The following RCC1L variants were observed in gnomAD, a reference collection of about 807,000 sequenced individuals.
RCC1L encodes RCC1 like, also known as RCC1-like G exchanging factor-like protein.
A neutral mutation model predicts 58.6 loss-of-function variants in RCC1L; 46 were observed. That is an observed-to-expected ratio of 0.79 (90% confidence interval 0.62 to 1.00). The LOEUF (loss-of-function observed/expected upper bound fraction) is 1.00. RCC1L is among the 50% of genes least tolerant of loss of function. RCC1L has a pLI of 0.00. For synonymous variants in RCC1L, 281 were observed against 262.9 expected, an observed-to-expected ratio of 1.07 and a Z score of -0.67; for missense variants, 636 against 623.6, an observed-to-expected ratio of 1.02 and a Z score of -0.21.
At chr7:75,033,606 A>G (rs1805365656) in intron 10 of RCC1L, among the ~76,000 whole-genome samples, 2 of 151,992 alleles carry the variant, frequency 1.3e-5, no homozygotes, top group Non-Finnish European at 2.9e-5. Flanking sequence ...AAGGCAGAAG[A>G]ATCGCTTGAA....
intron 10 of RCC1L, among the ~76,000 whole-genome samples, chr7:75,031,986 A>C (rs1255550609): frequency 1.3e-5 from 2 of 152,212 alleles, no homozygotes; most frequent in African/African-American, 4.8e-5. Flanking sequence ...CCAGAGCAAG[A>C]GATTCAAGGG....
intron 10 of RCC1L, among the ~76,000 whole-genome samples, chr7:75,030,269 G>T (rs1044855321): frequency 1.3e-5 from 2 of 152,250 alleles, no homozygotes; most frequent in African/African-American, 2.4e-5. Flanking sequence ...GAGTGTGTGC[G>T]TGCACGTGTG....
intron 2 of RCC1L, among the ~76,000 whole-genome samples, chr7:75,069,170 CCTCT>C (rs1253340292): frequency 6.9e-6 from 1 of 145,754 alleles, no homozygotes; most frequent in Non-Finnish European, 1.5e-5. Context: ...CCTGGCATTT[CCTCT>C]CTATTTTAGG....
At chr7:75,054,272 C>G (rs989477656) in intron 9 of RCC1L, among the ~76,000 whole-genome samples, 1 of 152,126 alleles carries the variant, frequency 6.6e-6, no homozygotes, top group Admixed American at 6.6e-5. Context: ...CAGGATAAAC[C>G]AACCAACTCT....
intron 10 of RCC1L, among the ~76,000 whole-genome samples, chr7:75,048,833 G>A (rs1805825180): frequency 6.6e-6 from 1 of 152,240 alleles, no homozygotes; most frequent in African/African-American, 2.4e-5. Flanking sequence ...CGCCCAGGGA[G>A]GTGGGTGGCC....
At chr7:75,037,519 T>C (rs1805455117), downstream of RCC1L, among the ~76,000 whole-genome samples, 1 of 147,922 alleles carries the variant, frequency 6.8e-6, no homozygotes, top group Non-Finnish European at 1.5e-5. Context: ...TTTTTTTTTT[T>C]TGGGAGACGG....
At chr7:75,038,529 CTTTT>C (rs34348635), downstream of RCC1L, among the ~76,000 whole-genome samples, 4 of 139,026 alleles carry the variant, frequency 2.9e-5, no homozygotes, top group Admixed American at 2.2e-4. Flanking sequence ...CGCTTCCCGC[CTTTT>C]TTTTTTTTTT....
intron 8 of RCC1L, among the ~76,000 whole-genome samples, chr7:75,057,281 A>T (rs1584496985): frequency 6.6e-6 from 1 of 151,650 alleles, no homozygotes; most frequent in Non-Finnish European, 1.5e-5. Context: ...CCTTCCAGCT[A>T]ATTTCTCCAT....
chr7:75,052,744 G>A lies in RCC1L; in HGVS notation c.1284C>T (p.Ile428=), dbSNP rs1002381553. The A allele has an allele frequency of 9.1e-5, 147 of 1,613,114 alleles. No homozygotes were observed. The highest frequency in any genetic ancestry group is 1.2e-4 in the Non-Finnish European group (137 of 1,179,704). ...GGAAATACTGGTCCTCCAGGCGACC[G>A]ATTCCCAGGCACCCTCGGATGTTCT... ...WGKNIRGCLG[I]GRLEDQYFPW... Residue 428 remains isoleucine (I), a synonymous_variant, in exon 10 of 11, where the codon ATC becomes ATT. Coordinates refer to ENST00000610322, the MANE Select transcript of RCC1L (RefSeq NM_030798.5).
chr7:75,035,526 A>G (rs968603981), intron 10 of RCC1L, among the ~76,000 whole-genome samples: 1 of 152,226 alleles, frequency 6.6e-6, no homozygotes, highest in Non-Finnish European at 1.5e-5. Flanking sequence ...CTCCACTCCT[A>G]GGTATACATC....
chr7:75,055,851 A>C, intron 9 of RCC1L, 50 bp downstream of exon 9: 1 of 1,610,446 alleles, frequency 6.2e-7, no homozygotes, highest in Non-Finnish European at 8.5e-7. Context: ...AACTGGAGAC[A>C]GAGAACCTCT....
chr7:75,055,946 C>A lies in RCC1L; in HGVS notation c.1186G>T (p.Val396Phe). 6.2e-7 allele frequency: 1 copy of A among 1,613,964 alleles called. No homozygotes were observed. Among genetic ancestry groups the A allele is most frequent in the Admixed American group, 1.7e-5 (1 of 60,006 alleles). ...CTGAGTCCACATCGGATGCGGGAAACCTGGATTTCTGGGTTGAACTCCGTC... is the reference window on the plus strand; with the variant it reads ...CTGAGTCCACATCGGATGCGGGAAAACTGGATTTCTGGGTTGAACTCCGTC... ...GLTEFNPEIQ[V>F]SRIRCGLSHF... Residue 396 changes from valine (V) to phenylalanine (F), a missense_variant, in exon 9 of 11, where the codon GTT becomes TTT. Transcript: ENST00000610322.
At chr7:75,028,151 T>C in intron 10 of RCC1L, 1 of 1,374,780 alleles carries the variant, frequency 7.3e-7, no homozygotes, top group Non-Finnish European at 9.6e-7. Context: ...GGAGTCTTGC[T>C]CTGTCGCCCA....
chr7:75,057,417 A>G lies in RCC1L; in HGVS notation c.1057+112T>C, dbSNP rs989038768. On this transcript the variant is annotated intron_variant, in intron 8 of 10. Transcript: ENST00000610322. ...CAGATGTGAGCCACCGCGCCCAGCCATGTTACCCTCCTAAGGCTAAGGTCT... is the reference window on the plus strand; with the variant it reads ...CAGATGTGAGCCACCGCGCCCAGCCGTGTTACCCTCCTAAGGCTAAGGTCT... The G allele has an allele frequency of 3.6e-6, 4 of 1,101,432 alleles. No individual in the cohort carries two copies. In the African/African-American group the frequency reaches 6.2e-5, roughly 17 times the overall value. 68.2% of individuals were successfully genotyped at this position (1,101,432 alleles called of 1,614,324 possible).
Position 75,043,096 on chromosome 7 carries a change from C to T in RCC1L, c.1331G>A (p.Gly444Glu). ...QYFPWRVTMP[G>E]EPVDVACGVD... ...GCCACATGCCACGTCCACAGGCTCC[C>T]CAGGCATCGTCACCTGAAAAATAAG... is the stretch of plus-strand genomic sequence containing the variant. The change falls in exon 11 of 11, where the codon GGG becomes GAG. Residue 444 changes from glycine (G) to glutamate (E), a missense_variant. Coordinates refer to ENST00000610322, the MANE Select transcript of RCC1L (RefSeq NM_030798.5). The T allele has an allele frequency of 6.2e-7, 1 of 1,614,048 alleles. No individual in the cohort carries two copies. Among genetic ancestry groups the T allele is most frequent in the Admixed American group, 1.7e-5 (1 of 60,026 alleles).
At position 75,063,322 on chromosome 7, in the gene RCC1L, C is replaced by T. The variant is rs1247659270; in HGVS notation, c.672G>A (p.Arg224=). The T allele has an allele frequency of 6.2e-7, 1 of 1,613,746 alleles. No homozygotes were observed. The highest frequency in any genetic ancestry group is 8.5e-7 in the Non-Finnish European group (1 of 1,179,868). ...EIYSESHRVH[R]MQDFDGQVVQ... is the part of the protein sequence containing the mutation. ...CCACCTGGCCATCGAAGTCCTGCATCCTGTGGACTCTGTGACTTTCACTAC... is the reference window on the plus strand; with the variant it reads ...CCACCTGGCCATCGAAGTCCTGCATTCTGTGGACTCTGTGACTTTCACTAC... The change falls in exon 5 of 11, where the codon AGG becomes AGA. Residue 224 remains arginine (R), a synonymous_variant. Coordinates refer to ENST00000610322, the MANE Select transcript of RCC1L (RefSeq NM_030798.5).
chr7:75,064,562 T>TA lies in RCC1L; in HGVS notation c.650+19dup, dbSNP rs1584502002. 6.2e-7 allele frequency: 1 copy of TA among 1,613,474 alleles called. No individual in the cohort carries two copies. The highest frequency in any genetic ancestry group is 2.2e-5 in the East Asian group (1 of 44,870). Reference sequence around the variant, plus strand: ...ACACTTAACTCAACATGGGGAAGGGTAGGCCTTTTAGGAACTCACCTGTAA... The same window carrying TA: ...ACACTTAACTCAACATGGGGAAGGGTAAGGCCTTTTAGGAACTCACCTGTAA... On this transcript the variant is annotated intron_variant, in intron 4 of 10. Coordinates refer to ENST00000610322, the MANE Select transcript of RCC1L (RefSeq NM_030798.5).
In RCC1L at chr7:75,056,007, G is replaced by A. The variant is rs587671870; in HGVS notation, c.1125C>T (p.Ala375=). 38 of 1,613,850 alleles carry A rather than the reference G, an allele frequency of 2.4e-5. No homozygotes were observed. The highest frequency in any genetic ancestry group is 2.8e-5 in the Non-Finnish European group (33 of 1,179,840). The part of the protein sequence containing the change: ...LGKGPNLVES[A]VPEMIPPTLF... The stretch of plus-strand genomic sequence containing the variant: ...GAGTGGGTGGAATCATTTCAGGGAC[G>A]GCACTTTCCACTAGGTTTGGACCTT... Residue 375 remains alanine (A), a synonymous_variant, in exon 9 of 11, where the codon GCC becomes GCT. Transcript: ENST00000610322.
chr7:75,067,298 T>A (rs1554445301), intron 2 of RCC1L, among the ~76,000 whole-genome samples: 1 of 142,498 alleles, frequency 7.0e-6, no homozygotes, highest in African/African-American at 2.6e-5. Flanking sequence ...CGAGACTTCA[T>A]CTGGAAAAAA....
Sources: allele counts gnomAD v4.1 joint callset (sites outside exome capture counted in the v4.1 genomes callset), GRCh38; gene constraint gnomAD v4.1.1; transcripts MANE v1.5; gene names NCBI Gene and HGNC (gene_info 2026-07-23, HGNC 2026-07-21).